EML4: variants seen among roughly 807,000 people sequenced by gnomAD.
EML4 encodes the protein EMAP like 4, also known as echinoderm microtubule-associated protein-like 4.
In EML4, 72 loss-of-function variants were observed where a neutral mutation model predicts 129.0. The observed-to-expected ratio is 0.56, with a 90% CI of 0.46 to 0.68. The LOEUF (loss-of-function observed/expected upper bound fraction) is 0.68. EML4 is among the 30% of genes least tolerant of loss of function. The pLI is 0.00. For missense variants in EML4, 1,363 were observed against 1,190.6 expected (o/e 1.14, Z -2.13); for synonymous variants, 532 against 405.0 (o/e 1.31, Z -3.77).
intron 1 of EML4, among the ~76,000 whole-genome samples, chr2:42,230,604 T>A (rs751128595): frequency 1.3e-5 from 2 of 151,942 alleles, no homozygotes; most frequent in African/African-American, 4.8e-5. Context: ...TGGGGTTTTG[T>A]CATGTTGGCC....
chr2:42,323,461 A>G (rs762750926), intron 19 of EML4, among the ~76,000 whole-genome samples: 13 of 152,242 alleles, frequency 8.5e-5, no homozygotes, highest in Non-Finnish European at 1.6e-4. Context: ...TCAGATTCAT[A>G]TAATTTAAAT....
At chr2:42,217,970 G>A (rs1215124406) in intron 1 of EML4, among the ~76,000 whole-genome samples, 1 of 152,136 alleles carries the variant, frequency 6.6e-6, no homozygotes, top group African/African-American at 2.4e-5. Context: ...GTCAGATATG[G>A]GGTGATCCTA....
At chr2:42,235,080 G>C (rs1674578921) in intron 1 of EML4, among the ~76,000 whole-genome samples, 1 of 152,178 alleles carries the variant, frequency 6.6e-6, no homozygotes, top group Non-Finnish European at 1.5e-5. Context: ...TGTATCACCT[G>C]AGGTCAGCAG....
rs1247713996 is a variant in EML4 at position 42,169,408 on chromosome 2, G to C, written c.-204G>C. Reference sequence around the variant, plus strand: ...GGCCGGGCAGGCGGCTGAGCGGCGCGGCTCTCAACGTGACGGGGAAGTGGT... The same window carrying C: ...GGCCGGGCAGGCGGCTGAGCGGCGCCGCTCTCAACGTGACGGGGAAGTGGT... On this transcript the variant is annotated 5_prime_UTR_variant, in exon 1 of 23. Coordinates refer to ENST00000318522, the MANE Select transcript of EML4 (RefSeq NM_019063.5). 2 of 427,720 alleles carry C rather than the reference G, an allele frequency of 4.7e-6. No homozygotes were observed. Among genetic ancestry groups the C allele is most frequent in the Non-Finnish European group, 4.1e-6 (1 of 243,610 alleles). The allele number at this position is 427,720 out of a possible 1,614,324, so 26.5% of individuals were successfully genotyped here. A position where few individuals can be genotyped will look rare whatever the true frequency, so the allele number is the denominator to read the frequency against.
At chr2:42,170,585 C>T (rs1390811403) in intron 1 of EML4, among the ~76,000 whole-genome samples, 1 of 152,184 alleles carries the variant, frequency 6.6e-6, no homozygotes, top group African/African-American at 2.4e-5. Flanking sequence ...GTATTCGCTG[C>T]CCTAGAAGCT....
intron 1 of EML4, among the ~76,000 whole-genome samples, chr2:42,187,126 G>C (rs112353676): frequency 1.1e-4 from 16 of 151,676 alleles, no homozygotes; most frequent in African/African-American, 3.4e-4. Flanking sequence ...TTACTGTAAC[G>C]TCCAATTCCT....
intron 1 of EML4, among the ~76,000 whole-genome samples, chr2:42,227,360 G>T (rs955027499): frequency 2.6e-5 from 4 of 151,988 alleles, no homozygotes; most frequent in Non-Finnish European, 5.9e-5. Context: ...TCCCACCTCA[G>T]CCCCGCAAAG....
intron 1 of EML4, among the ~76,000 whole-genome samples, chr2:42,236,886 A>G (rs551355320): frequency 1.3e-5 from 2 of 152,218 alleles, no homozygotes; most frequent in East Asian, 3.9e-4. Flanking sequence ...GGATGGTTTC[A>G]ATTTTCCTTT....
intron 11 of EML4, among the ~76,000 whole-genome samples, chr2:42,292,098 T>C (rs1011999943): frequency 6.6e-6 from 1 of 152,202 alleles, no homozygotes; most frequent in African/African-American, 2.4e-5. Context: ...GCAACTGTAT[T>C]CTGAATTATA....
At chr2:42,217,647 T>G (rs1673281545) in intron 1 of EML4, among the ~76,000 whole-genome samples, 3 of 152,252 alleles carry the variant, frequency 2.0e-5, no homozygotes, top group Admixed American at 6.5e-5. Context: ...TAAAATATGC[T>G]TCTGGACTAC....
At position 42,217,139 on chromosome 2, in the gene EML4, A is replaced by G. The variant is rs954552548; in HGVS notation, c.26-28366A>G. Among the ~76,000 whole-genome samples, 5 of 152,220 alleles carry G rather than the reference A, an allele frequency of 3.3e-5. No homozygotes were observed. The East Asian group carries it at 9.6e-4, about 29-fold the overall frequency. On this transcript the variant is annotated intron_variant, in intron 1 of 22. Transcript: ENST00000318522. Reference sequence around the variant, plus strand: ...TTATTTAAAGTTTACCTGCAGATTTAAGCATATTAGAAACCTTTGGTGTCA... The same window carrying G: ...TTATTTAAAGTTTACCTGCAGATTTGAGCATATTAGAAACCTTTGGTGTCA...
intron 19 of EML4, among the ~76,000 whole-genome samples, chr2:42,318,693 AT>A (rs11386473): frequency 6.6e-6 from 1 of 151,554 alleles, no homozygotes; most frequent in Non-Finnish European, 1.5e-5. Flanking sequence ...CAGACCCCCA[AT>A]TTTTTTTGTT....
intron 1 of EML4, among the ~76,000 whole-genome samples, chr2:42,211,082 TTTTTAGTATTTGCTTTAACATTGA>T (rs1672859908): frequency 6.6e-6 from 1 of 152,234 alleles, no homozygotes; most frequent in African/African-American, 2.4e-5. Context: ...ACTATAACTC[TTTTTAGTATTTGCTTTAACATTGA>T]TTGAAATACC....
At chr2:42,265,759 A>C (rs1666026878) in intron 6 of EML4, among the ~76,000 whole-genome samples, 1 of 152,246 alleles carries the variant, frequency 6.6e-6, no homozygotes, top group African/African-American at 2.4e-5. Context: ...GCTAAGACTG[A>C]AAATATGATG....
At position 42,295,480 on chromosome 2, in the gene EML4, A is replaced by G. The variant is rs2103681046; in HGVS notation, c.1453A>G (p.Thr485Ala). ...SGGVMLIWSKTTVEPTPGKGP... is the reference protein window; with the variant it reads ...SGGVMLIWSKATVEPTPGKGP... ...TGGAGTCATGCTTATATGGAGCAAA[A>G]CTACTGTAGAGCCCACACCTGGGAA... The change falls in exon 13 of 23, where the codon ACT becomes GCT. Residue 485 changes from threonine to alanine, a missense_variant. Coordinates refer to ENST00000318522, the MANE Select transcript of EML4 (RefSeq NM_019063.5). 1 of 1,613,978 alleles carries G rather than the reference A, an allele frequency of 6.2e-7. No individual in the cohort carries two copies. The highest frequency in any genetic ancestry group is 2.2e-5 in the East Asian group (1 of 44,852).
chr2:42,215,989 C>T (rs1246069292), intron 1 of EML4, among the ~76,000 whole-genome samples: 1 of 150,990 alleles, frequency 6.6e-6, no homozygotes, highest in African/African-American at 2.4e-5. Flanking sequence ...GGCACGATCT[C>T]AGCTCACTGC....
chr2:42,181,119 C>T (rs888926146), intron 1 of EML4, among the ~76,000 whole-genome samples: 2 of 152,120 alleles, frequency 1.3e-5, no homozygotes, highest in Non-Finnish European at 2.9e-5. Flanking sequence ...CTAGACTTGC[C>T]CACAATTTTA....
intron 3 of EML4, among the ~76,000 whole-genome samples, chr2:42,257,672 A>G (rs1676247934): frequency 6.6e-6 from 1 of 151,918 alleles, no homozygotes; most frequent in Admixed American, 6.6e-5. Flanking sequence ...CGTCTCTACT[A>G]AAAAATACAA....
At chr2:42,310,434 C>T (rs997144980) in intron 17 of EML4, among the ~76,000 whole-genome samples, 2 of 152,062 alleles carry the variant, frequency 1.3e-5, no homozygotes, top group Non-Finnish European at 2.9e-5. Flanking sequence ...CAGCCTCTGC[C>T]TCCTGGGTTC....
Sources: allele counts gnomAD v4.1 joint callset (sites outside exome capture counted in the v4.1 genomes callset), GRCh38; gene constraint gnomAD v4.1.1; transcripts MANE v1.5; gene names NCBI Gene and HGNC (gene_info 2026-07-23, HGNC 2026-07-21).